CDK5RAP2: variants seen among roughly 807,000 people sequenced by gnomAD.
The protein encoded by CDK5RAP2 is CDK5 regulatory subunit associated protein 2.
CDK5RAP2 carries 147 observed loss-of-function variants against 232.9 expected under a neutral mutation model. The observed-to-expected ratio is 0.63, with a 90% CI of 0.55 to 0.72. CDK5RAP2 has a LOEUF of 0.72. Among genes scored for constraint, CDK5RAP2 ranks in the 30% least tolerant of loss-of-function variants. The pLI is 0.00. For missense variants in CDK5RAP2, 2,195 were observed against 2,231.5 expected (o/e 0.98, Z 0.33); for synonymous variants, 833 against 833.7 (o/e 1.00, Z 0.01).
At chr9:120,411,112 T>C (rs1225462109) in intron 29 of CDK5RAP2, among the ~76,000 whole-genome samples, 1 of 152,264 alleles carries the variant, frequency 6.6e-6, no homozygotes, top group Non-Finnish European at 1.5e-5. Flanking sequence ...GACACTGTGC[T>C]GAGAGCTTTA....
intron 36 of CDK5RAP2, among the ~76,000 whole-genome samples, chr9:120,394,017 T>A (rs2032234754): frequency 1.3e-5 from 2 of 152,158 alleles, no homozygotes; most frequent in African/African-American, 4.8e-5. Flanking sequence ...CCACCTTAAT[T>A]CACTGTTTGC....
chr9:120,487,229 A>G (rs2038659492), intron 14 of CDK5RAP2, 65 bp downstream of exon 14: 2 of 1,557,262 alleles, frequency 1.3e-6, no homozygotes, highest in East Asian at 4.5e-5. Context: ...AGGAGTTATC[A>G]AATATGTTTC....
intron 12 of CDK5RAP2, among the ~76,000 whole-genome samples, chr9:120,514,933 C>T (rs1013765104): frequency 2.6e-5 from 4 of 152,110 alleles, no homozygotes; most frequent in African/African-American, 9.7e-5. Flanking sequence ...TAATGTCTAA[C>T]AACAGAGGTA....
chr9:120,501,554 A>T (rs796575515), intron 12 of CDK5RAP2, among the ~76,000 whole-genome samples: 4 of 152,328 alleles, frequency 2.6e-5, no homozygotes, highest in African/African-American at 9.6e-5. Flanking sequence ...GCCATAAATT[A>T]TTTGACTTCC....
rs1051819015 is a variant in CDK5RAP2, at chr9:120,458,596, G to A, written c.2229C>T (p.Gly743=). Residue 743 remains glycine (G), a synonymous_variant, in exon 20 of 38, where the codon GGC becomes GGT. Coordinates refer to ENST00000349780, the MANE Select transcript of CDK5RAP2 (RefSeq NM_018249.6). ...NEIMKDLSKG[G]CKNGYLRHTE... ...TGTGCCTTAAGTATCCATTTTTGCA[G>A]CCTCCTTTGGAAAGGTCTTTCATAA... is the stretch of plus-strand genomic sequence containing the variant. 4 of 1,614,116 alleles carry A rather than the reference G, an allele frequency of 2.5e-6. No homozygotes were observed. Among genetic ancestry groups the A allele is most frequent in the Non-Finnish European group, 3.4e-6 (4 of 1,179,986 alleles).
chr9:120,507,202 G>C (rs907968756), intron 12 of CDK5RAP2, among the ~76,000 whole-genome samples: 4 of 152,142 alleles, frequency 2.6e-5, no homozygotes, highest in African/African-American at 7.2e-5. Context: ...TAGATGTAAT[G>C]CTGTTGCACA....
At chr9:120,504,923 T>A (rs1292961744) in intron 12 of CDK5RAP2, among the ~76,000 whole-genome samples, 1 of 152,188 alleles carries the variant, frequency 6.6e-6, no homozygotes, top group Non-Finnish European at 1.5e-5. Context: ...CCAATTTGAT[T>A]ACTCAGGCCA....
intron 18 of CDK5RAP2, among the ~76,000 whole-genome samples, chr9:120,461,555 G>A (rs562919388): frequency 4.3e-4 from 65 of 152,310 alleles, no homozygotes; most frequent in African/African-American, 1.4e-3. Context: ...CAATAAAAGA[G>A]TCTGGCCAGG....
intron 23 of CDK5RAP2, among the ~76,000 whole-genome samples, chr9:120,442,400 T>C (rs2131344472): frequency 6.6e-6 from 1 of 152,228 alleles, no homozygotes; most frequent in African/African-American, 2.4e-5. Flanking sequence ...ATCCCAAGTA[T>C]CTGTCAAGGG....
chr9:120,446,451 C>A (rs908376247), intron 22 of CDK5RAP2, among the ~76,000 whole-genome samples: 1 of 152,174 alleles, frequency 6.6e-6, no homozygotes, highest in African/African-American at 2.4e-5. Context: ...GTCTCGAACT[C>A]CTGACCTCAG....
chr9:120,551,366 ATCACC>A (rs1427769315), intron 3 of CDK5RAP2, among the ~76,000 whole-genome samples: 8 of 152,224 alleles, frequency 5.3e-5, no homozygotes, highest in Admixed American at 6.5e-5. Context: ...GTCATAACAT[ATCACC>A]CACAAATGGC....
At chr9:120,463,057 C>A (rs1286287074) in intron 18 of CDK5RAP2, among the ~76,000 whole-genome samples, 1 of 152,082 alleles carries the variant, frequency 6.6e-6, no homozygotes, top group African/African-American at 2.4e-5. Context: ...AGGAGAAAGT[C>A]TTTCCCATCT....
At chr9:120,410,624 C>G (rs74636283) in intron 29 of CDK5RAP2, among the ~76,000 whole-genome samples, 6,431 of 152,300 alleles carry the variant, frequency 0.042, 191 homozygotes, top group Middle Eastern at 0.085. Flanking sequence ...TGAAGTAACA[C>G]AGGAGATAGG....
At chr9:120,556,244 C>T (rs969037173) in intron 3 of CDK5RAP2, among the ~76,000 whole-genome samples, 2 of 152,098 alleles carry the variant, frequency 1.3e-5, no homozygotes, top group African/African-American at 2.4e-5. Context: ...AAAATTGGTG[C>T]ATTTTATTTT....
Position 120,580,042 on chromosome 9 carries a change from A to G in CDK5RAP2, c.-64T>C. ...CGGCGCCACTAGTACCCCCCGCGAT[A>G]GCGACCCGCCGGGCTCCCCAGGTCC... On this transcript the variant is annotated 5_prime_UTR_variant, in exon 1 of 38. Coordinates refer to ENST00000349780, the MANE Select transcript of CDK5RAP2 (RefSeq NM_018249.6). 1 of 1,102,260 alleles carries G rather than the reference A, an allele frequency of 9.1e-7. No individual in the cohort carries two copies. The highest frequency in any genetic ancestry group is 1.4e-6 in the Non-Finnish European group (1 of 730,774). 68.3% of individuals were successfully genotyped at this position (1,102,260 alleles called of 1,614,324 possible). A position where few individuals can be genotyped will look rare whatever the true frequency, so the allele number is the denominator to read the frequency against.
chr9:120,561,792 A>C (rs2042473234), intron 3 of CDK5RAP2, among the ~76,000 whole-genome samples: 1 of 152,246 alleles, frequency 6.6e-6, no homozygotes, highest in Admixed American at 6.5e-5. Flanking sequence ...ATTGTGGCAG[A>C]ATTACACAAA....
Position 120,539,889 on chromosome 9 carries a change from A to G in CDK5RAP2, c.384-725T>C, listed in dbSNP as rs893269891. Among the ~76,000 whole-genome samples, 3 of 152,314 alleles carry G rather than the reference A, an allele frequency of 2.0e-5. No individual in the cohort carries two copies. The East Asian group carries it at 5.8e-4, about 29-fold the overall frequency. On this transcript the variant is annotated intron_variant, in intron 5 of 37. Transcript: ENST00000349780. The stretch of plus-strand genomic sequence containing the variant: ...CACCAGTGGTGCAAGGAGGGCAGAG[A>G]GCTGGTCTGACAAACCAACGTGCAA...
At chr9:120,477,818 A>G (rs576060469) in intron 14 of CDK5RAP2, among the ~76,000 whole-genome samples, 6 of 152,362 alleles carry the variant, frequency 3.9e-5, no homozygotes, top group African/African-American at 1.2e-4. Context: ...CTGTTGCTCC[A>G]AAGAAGAGAA....
At chr9:120,468,023 C>T in intron 17 of CDK5RAP2, 26 bp from the exon 18 acceptor site, 1 of 1,613,122 alleles carries the variant, frequency 6.2e-7, no homozygotes, top group South Asian at 1.1e-5. Context: ...AGGGAAAAGG[C>T]TGTCTACCCA....
Sources: allele counts gnomAD v4.1 joint callset (sites outside exome capture counted in the v4.1 genomes callset), GRCh38; gene constraint gnomAD v4.1.1; transcripts MANE v1.5; gene names NCBI Gene and HGNC (gene_info 2026-07-23, HGNC 2026-07-21).